SLC4A2: variants seen among roughly 807,000 people sequenced by gnomAD.
SLC4A2 encodes the protein anion exchange protein 2.
SLC4A2 carries 36 observed loss-of-function variants against 115.0 expected under a neutral mutation model. The observed-to-expected ratio is 0.31, with a 90% CI of 0.24 to 0.41. The LOEUF (loss-of-function observed/expected upper bound fraction) is 0.41. Ranked by LOEUF, SLC4A2 falls within the 10% of genes least tolerant of loss-of-function variation. The pLI is 1.00. For synonymous variants in SLC4A2, 708 were observed against 708.3 expected (o/e 1.00, Z 0.01); for missense variants, 1,252 against 1,705.6 (o/e 0.73, Z 4.68).
intron 2 of SLC4A2, chr7:151,063,014 A>C: frequency 6.9e-7 from 1 of 1,447,702 alleles, no homozygotes; most frequent in Non-Finnish European, 9.0e-7. Context: ...CAGGTCCAGA[A>C]GCTCTTGAGC....
chr7:151,069,975 G>A lies in SLC4A2; in HGVS notation c.1176G>A (p.Gln392=). Residue 392 remains glutamine, a synonymous_variant, in exon 9 of 23, where the codon CAG becomes CAA. Transcript: ENST00000413384. ...HGAVLLDLDQ[Q]TLPGVAHQVV... is the part of the protein sequence containing the mutation. Reference sequence around the variant, plus strand: ...CTGTGCTCTTGGATCTGGACCAGCAGACCCTGCCCGGAGTGGCCCACCAGG... The same window carrying A: ...CTGTGCTCTTGGATCTGGACCAGCAAACCCTGCCCGGAGTGGCCCACCAGG... 6.2e-7 allele frequency: 1 copy of A among 1,614,056 alleles called. No homozygotes were observed. Among genetic ancestry groups the A allele is most frequent in the Non-Finnish European group, 8.5e-7 (1 of 1,180,016 alleles).
intron 2 of SLC4A2, among the ~76,000 whole-genome samples, chr7:151,063,748 A>C (rs908024841): frequency 3.3e-5 from 5 of 151,684 alleles, no homozygotes; most frequent in African/African-American, 1.2e-4. Flanking sequence ...TTTTGTTTTG[A>C]GACGGAGTCT....
chr7:151,064,162 G>A (rs1021444594), intron 2 of SLC4A2, 40 bp from the exon 3 acceptor site: 8 of 1,601,742 alleles, frequency 5.0e-6, no homozygotes, highest in Non-Finnish European at 6.8e-6. Context: ...ACAATTCCCA[G>A]TGAGCCCTGT....
Position 151,071,389 on chromosome 7 carries a change from G to C in SLC4A2, c.1976-1G>C. The C allele has an allele frequency of 1.3e-6, 2 of 1,589,338 alleles. No individual in the cohort carries two copies. Among genetic ancestry groups the C allele is most frequent in the Non-Finnish European group, 1.7e-6 (2 of 1,172,700 alleles). On this transcript the variant is annotated splice_acceptor_variant, in intron 13 of 22. Coordinates refer to ENST00000413384, the MANE Select transcript of SLC4A2 (RefSeq NM_003040.4). LOFTEE classifies it high-confidence loss of function. The surrounding 1 kb of genome is among the most constrained non-coding windows in gnomAD (Gnocchi z 5.5). The stretch of plus-strand genomic sequence containing the variant: ...CGCCCTGACGGAGGCCTGGGTTGCA[G>C]CGCTCCTGCAGATGGTAGAGGCGGC...
In SLC4A2 at chr7:151,063,169, C is replaced by T. The variant is rs868149217; in HGVS notation, c.52-1033C>T. ...CGGCTGTGCCGGCCGGCCGCTGCTCCGCGCCCGCAGGATGACTCAGGTGGG... is the reference window on the plus strand; with the variant it reads ...CGGCTGTGCCGGCCGGCCGCTGCTCTGCGCCCGCAGGATGACTCAGGTGGG... On this transcript the variant is annotated intron_variant, in intron 2 of 22. Coordinates refer to ENST00000413384, the MANE Select transcript of SLC4A2 (RefSeq NM_003040.4). 1.2e-5 allele frequency: 17 copies of T among 1,463,826 alleles called. No homozygotes were observed. In the Middle Eastern group the frequency reaches 1.8e-3, roughly 155 times the overall value. The allele number at this position is 1,463,826 out of a possible 1,614,324, so 90.7% of individuals were successfully genotyped here. A position where few individuals can be genotyped will look rare whatever the true frequency, so the allele number is the denominator to read the frequency against.
intron 5 of SLC4A2, 100 bp from the exon 6 acceptor site, chr7:151,066,417 A>T (rs1797232918): frequency 1.5e-6 from 2 of 1,356,464 alleles, no homozygotes; most frequent in African/African-American, 2.9e-5. Flanking sequence ...GAGGGCCTGG[A>T]GTCCGATGTG....
In SLC4A2 at chr7:151,074,701, G is replaced by A. The variant is rs17852574; in HGVS notation, c.2907G>A (p.Ser969=). The A allele has an allele frequency of 2.4e-5, 38 of 1,603,604 alleles. No individual in the cohort carries two copies. Among genetic ancestry groups the A allele is most frequent in the Non-Finnish European group, 2.9e-5 (34 of 1,175,712 alleles). The change falls in exon 19 of 23, where the codon TCG becomes TCA. Residue 969 remains serine (S), a synonymous_variant. Coordinates refer to ENST00000413384, the MANE Select transcript of SLC4A2 (RefSeq NM_003040.4). ...TQKLSVPSGF[S]VTAPEKRGWV... is the part of the protein sequence containing the mutation. ...AGCTGAGCGTTCCCAGTGGATTCTCGGTGACTGCCCCAGAAAAGAGGGGCT... is the reference window on the plus strand; with the variant it reads ...AGCTGAGCGTTCCCAGTGGATTCTCAGTGACTGCCCCAGAAAAGAGGGGCT...
rs1164723783 is a variant in SLC4A2, at chr7:151,067,898, C to A, written c.991C>A (p.Leu331Ile). ...HEVFVELNEL[L>I]LDKNQEPQWR... is the part of the protein sequence containing the mutation. ...GGTGTTTGTGGAGCTGAATGAGTTG[C>A]TCCTGGACAAAAACCAGGAGCCCCA... The change falls in exon 8 of 23, where the codon CTC becomes ATC. Residue 331 changes from leucine to isoleucine, a missense_variant. Coordinates refer to ENST00000413384, the MANE Select transcript of SLC4A2 (RefSeq NM_003040.4). 3.7e-6 allele frequency: 6 copies of A among 1,612,236 alleles called. No individual in the cohort carries two copies. The African/African-American group carries it at 5.3e-5, about 14-fold the overall frequency.
intron 16 of SLC4A2, among the ~76,000 whole-genome samples, chr7:151,073,528 CAAAGT>C (rs1044033026): frequency 5.7e-4 from 87 of 152,320 alleles, no homozygotes; most frequent in African/African-American, 2.0e-3. Flanking sequence ...CTCGGCCTCC[CAAAGT>C]GCTAGGATTA....
At chr7:151,072,594 A>G (rs1409894404) in intron 16 of SLC4A2, among the ~76,000 whole-genome samples, 2 of 151,834 alleles carry the variant, frequency 1.3e-5, no homozygotes, top group African/African-American at 4.8e-5. Context: ...CCTGGCCTTA[A>G]TTTATTTTCA....
At position 151,071,161 on chromosome 7, in the gene SLC4A2, G is replaced by A. The variant is rs146989617; in HGVS notation, c.1839G>A (p.Pro613=). Residue 613 remains proline, a synonymous_variant, in exon 13 of 23, where the codon CCG becomes CCA. Coordinates refer to ENST00000413384, the MANE Select transcript of SLC4A2 (RefSeq NM_003040.4). This position sits in a 1 kb window ranked among gnomAD's most constrained non-coding sequence, Gnocchi z 5.5. The stretch of plus-strand genomic sequence containing the variant: ...TCCTGGACTGCAGCGTGGTGCTGCC[G>A]CCTTCAGAAGTGCAGGGCGAGGAGC... The part of the protein sequence containing the change: ...NAFLDCSVVL[P]PSEVQGEELL... 2.2e-5 allele frequency: 35 copies of A among 1,612,546 alleles called. No homozygotes were observed. Among genetic ancestry groups the A allele is most frequent in the African/African-American group, 5.3e-5 (4 of 75,060 alleles).
In SLC4A2 at chr7:151,059,644, T is replaced by C. The variant is rs1222140938; in HGVS notation, c.-182T>C. The stretch of plus-strand genomic sequence containing the variant: ...GGGGGAAAGTTGAGTTGGGAGAAGT[T>C]GGGAGCGGCGGGGGCGCGCCCCGGG... On this transcript the variant is annotated 5_prime_UTR_variant, in exon 1 of 23. Coordinates refer to ENST00000413384, the MANE Select transcript of SLC4A2 (RefSeq NM_003040.4). This position sits in a 1 kb window ranked among gnomAD's most constrained non-coding sequence, Gnocchi z 5.8. 6.7e-6 allele frequency: 1 copy of C among 149,512 alleles called. No individual in the cohort carries two copies. Among genetic ancestry groups the C allele is most frequent in the Non-Finnish European group, 1.5e-5 (1 of 67,146 alleles). The allele number at this position is 149,512 out of a possible 1,614,324, so 9.3% of individuals were successfully genotyped here. A position where few individuals can be genotyped will look rare whatever the true frequency, so the allele number is the denominator to read the frequency against.
In SLC4A2 at chr7:151,070,481, C is replaced by G; in HGVS notation, c.1474C>G (p.Pro492Ala). ...RERELPPPAP[P>A]AGITRSKSKH... is the part of the protein sequence containing the mutation. The stretch of plus-strand genomic sequence containing the variant: ...GCGTGAGCTGCCGCCTCCAGCACCA[C>G]CAGCTGGCATCACCCGCTCCAAGTC... The change falls in exon 11 of 23, where the codon CCA (proline) becomes GCA (alanine). Residue 492 changes from proline (P) to alanine (A), a missense_variant. Physicochemically the swap from Pro to Ala is conservative, Grantham distance 27. Coordinates refer to ENST00000413384, the MANE Select transcript of SLC4A2 (RefSeq NM_003040.4). 3.1e-6 allele frequency: 5 copies of G among 1,613,360 alleles called. No individual in the cohort carries two copies. Among genetic ancestry groups the G allele is most frequent in the Non-Finnish European group, 4.2e-6 (5 of 1,179,718 alleles).
chr7:151,069,100 T>C (rs1208423819), intron 8 of SLC4A2, among the ~76,000 whole-genome samples: 3 of 124,690 alleles, frequency 2.4e-5, no homozygotes, highest in Admixed American at 1.1e-4. Context: ...GATCATGCCA[T>C]TGCGCTCCAG....
At chr7:151,068,411 C>G (rs1377006992) in intron 8 of SLC4A2, among the ~76,000 whole-genome samples, 1 of 152,084 alleles carries the variant, frequency 6.6e-6, no homozygotes, top group Non-Finnish European at 1.5e-5. Flanking sequence ...ACTTCCAAGC[C>G]CTGTGTTTGC....
Position 151,071,214 on chromosome 7 carries a change from G to A in SLC4A2, c.1892G>A (p.Arg631His), listed in dbSNP as rs776918935. The A allele has an allele frequency of 5.6e-6, 9 of 1,598,028 alleles. No individual in the cohort carries two copies. Among genetic ancestry groups the A allele is most frequent in the African/African-American group, 2.7e-5 (2 of 74,504 alleles). ...CTGCGCTCTGTGGCCCACTTCCAGC[G>A]CCAGATGCTCAAGAAGCGAGAGGAG... ...ELLRSVAHFQ[R>H]QMLKKREEQG... Residue 631 changes from arginine (R) to histidine (H), a missense_variant, in exon 13 of 23, where the codon CGC (arginine) becomes CAC (histidine). Transcript: ENST00000413384. This position sits in a 1 kb window ranked among gnomAD's most constrained non-coding sequence, Gnocchi z 5.5.
At chr7:151,066,436 C>T (rs1386597156) in intron 5 of SLC4A2, 81 bp from the exon 6 acceptor site, 2 of 1,427,034 alleles carry the variant, frequency 1.4e-6, no homozygotes, top group Admixed American at 2.8e-5. Context: ...TGGGTCCCCT[C>T]CCTGGCTACC....
At chr7:151,062,474 CACCGCTCCACA>C in intron 2 of SLC4A2, 1 of 1,324,934 alleles carries the variant, frequency 7.5e-7, no homozygotes, top group Non-Finnish European at 9.7e-7. Flanking sequence ...CCCACGTGGC[CACCGCTCCACA>C]TGGCCCCCTT....
At chr7:151,073,081 A>G (rs1240891384) in intron 16 of SLC4A2, among the ~76,000 whole-genome samples, 1 of 152,058 alleles carries the variant, frequency 6.6e-6, no homozygotes, top group African/African-American at 2.4e-5. Context: ...CAGCCACCCT[A>G]ATAGCTGGGA....
Sources: allele counts gnomAD v4.1 joint callset (sites outside exome capture counted in the v4.1 genomes callset), GRCh38; gene constraint gnomAD v4.1.1; non-coding constraint Gnocchi (gnomAD v3.1); transcripts MANE v1.5; gene names NCBI Gene and HGNC (gene_info 2026-07-23, HGNC 2026-07-21).